The following PIWIL1 variants were observed in gnomAD, a reference collection of about 807,000 sequenced individuals.
The protein encoded by PIWIL1 is piwi-like protein 1.
Under a neutral mutation model 114.4 loss-of-function variants are expected in PIWIL1, and 73 were observed. The ratio of observed to expected loss-of-function variants is 0.64; its 90% CI spans 0.53 to 0.78. The LOEUF (loss-of-function observed/expected upper bound fraction) is 0.78, where lower values mean the gene tolerates loss of function less well. PIWIL1 is among the 30% of genes least tolerant of loss of function. The probability of loss-of-function intolerance (pLI) is 0.00; values close to 1 mark genes in which losing one functional copy is unlikely to be tolerated. For missense variants in PIWIL1, 723 were observed against 1,063.1 expected, an observed-to-expected ratio of 0.68 and a Z score of 4.45; for synonymous variants, 375 against 369.0, an observed-to-expected ratio of 1.02 and a Z score of -0.19.
chr12:130,355,809 C>A, intron 12 of PIWIL1, 142 bp downstream of exon 12: 1 of 657,340 alleles, frequency 1.5e-6, no homozygotes, highest in Non-Finnish European at 2.7e-6. Context: ...TCAAGTGAGG[C>A]TTGGGTCAGA....
chr12:130,382,828 C>T, the PIWIL1 span, among the ~76,000 whole-genome samples: 1 of 152,152 alleles, frequency 6.6e-6, no homozygotes, highest in African/African-American at 2.4e-5. Flanking sequence ...TACATAGTTT[C>T]AGTCAAATAA....
the PIWIL1 span, chr12:130,399,549 C>T: frequency 3.9e-6 from 4 of 1,038,564 alleles, no homozygotes; most frequent in Admixed American, 2.5e-5. Context: ...GGCTTCAGGG[C>T]AGAGAAAAAA....
intron 14 of PIWIL1, among the ~76,000 whole-genome samples, chr12:130,360,950 GT>G (rs1379159206): frequency 1.3e-5 from 2 of 152,158 alleles, no homozygotes; most frequent in Non-Finnish European, 2.9e-5. Flanking sequence ...TTGACTCATA[GT>G]TTGCTTAACA....
chr12:130,424,513 C>G, the PIWIL1 span: 4 of 1,232,010 alleles, frequency 3.2e-6, no homozygotes, highest in African/African-American at 1.5e-5. This position sits in a 1 kb window ranked among gnomAD's most constrained non-coding sequence, Gnocchi z 9.8. Flanking sequence ...CAGTCCAGGC[C>G]GCTGTCCGGG....
At chr12:130,404,385 C>G in the PIWIL1 span, among the ~76,000 whole-genome samples, 10 of 152,312 alleles carry the variant, frequency 6.6e-5, no homozygotes, top group South Asian at 8.3e-4. Flanking sequence ...GCAACCTCCA[C>G]CTCCTGGGTT....
At chr12:130,410,588 A>G in the PIWIL1 span, among the ~76,000 whole-genome samples, 1 of 152,322 alleles carries the variant, frequency 6.6e-6, no homozygotes. Context: ...GATGTGCAGT[A>G]ATGTCAGCAC....
the PIWIL1 span, chr12:130,424,611 T>C: frequency 8.1e-7 from 1 of 1,231,742 alleles, no homozygotes; most frequent in Non-Finnish European, 1.0e-6. The surrounding 1 kb of genome is among the most constrained non-coding windows in gnomAD (Gnocchi z 9.8). Context: ...GCCCCTGTGC[T>C]TCACCGGGAA....
chr12:130,361,425 T>G, intron 15 of PIWIL1, 45 bp downstream of exon 15: 1 of 1,611,198 alleles, frequency 6.2e-7, no homozygotes, highest in Non-Finnish European at 8.5e-7. Context: ...AATTGGTATT[T>G]AAGAACATGG....
chr12:130,402,593 C>T, the PIWIL1 span, among the ~76,000 whole-genome samples: 4 of 152,190 alleles, frequency 2.6e-5, no homozygotes, highest in Non-Finnish European at 5.9e-5. Flanking sequence ...TCCTCAGTCC[C>T]TCCATAATTT....
chr12:130,424,077 C>T, the PIWIL1 span: 2 of 885,672 alleles, frequency 2.3e-6, no homozygotes, highest in East Asian at 3.3e-5. The surrounding 1 kb of genome is among the most constrained non-coding windows in gnomAD (Gnocchi z 9.8). Flanking sequence ...AAACAGAAAA[C>T]CAGTGAAAGG....
the PIWIL1 span, among the ~76,000 whole-genome samples, chr12:130,390,992 G>T: frequency 6.6e-6 from 1 of 152,112 alleles, no homozygotes; most frequent in South Asian, 2.1e-4. Flanking sequence ...GGCACATATG[G>T]AAAATCAGAG....
chr12:130,409,476 G>A, the PIWIL1 span, among the ~76,000 whole-genome samples: 3 of 151,456 alleles, frequency 2.0e-5, no homozygotes, highest in Non-Finnish European at 2.9e-5. Flanking sequence ...CTGAGTAGCT[G>A]GGACTGCAGG....
the PIWIL1 span, chr12:130,424,355 C>G: frequency 1.6e-6 from 2 of 1,232,448 alleles, no homozygotes; most frequent in South Asian, 4.1e-5. The surrounding 1 kb of genome is among the most constrained non-coding windows in gnomAD (Gnocchi z 9.8). Context: ...CCCCAAAGTC[C>G]TCCTCCACGC....
At chr12:130,364,540 T>C (rs1025015253) in intron 18 of PIWIL1, among the ~76,000 whole-genome samples, 1 of 152,232 alleles carries the variant, frequency 6.6e-6, no homozygotes, top group African/African-American at 2.4e-5. Context: ...TTTGAAATAG[T>C]TGTGTTTCAG....
At chr12:130,413,052 G>C in the PIWIL1 span, among the ~76,000 whole-genome samples, 2 of 151,962 alleles carry the variant, frequency 1.3e-5, no homozygotes, top group Non-Finnish European at 2.9e-5. Flanking sequence ...TGTTTGCTTG[G>C]ATGAATGCAT....
chr12:130,349,818 T>G (rs775801975), intron 8 of PIWIL1, 38 bp from the exon 9 acceptor site: 14 of 1,163,632 alleles, frequency 1.2e-5, no homozygotes, highest in Admixed American at 4.1e-5. Context: ...GTTCTTCACA[T>G]TTCCATCAAA....
At chr12:130,343,127 T>C in intron 3 of PIWIL1, 26 bp downstream of exon 3, 1 of 1,528,202 alleles carries the variant, frequency 6.5e-7, no homozygotes, top group Non-Finnish European at 9.0e-7. Flanking sequence ...AAGGAAGTCT[T>C]AACAACTCTG....
rs1483732870 is a variant in PIWIL1, at chr12:130,347,068, T to C, written c.653+6T>C. The C allele has an allele frequency of 6.3e-7, 1 of 1,593,470 alleles. No individual in the cohort carries two copies. Among genetic ancestry groups the C allele is most frequent in the Non-Finnish European group, 8.6e-7 (1 of 1,167,950 alleles). On this transcript the variant is annotated splice_donor_region_variant and intron_variant, in intron 6 of 20. Transcript: ENST00000245255. ...TATAATATTATTTTCAGGAGGTATG[T>C]GTTTTATTTCAACATTTTATTAAGA...
At chr12:130,391,717 G>A in the PIWIL1 span, among the ~76,000 whole-genome samples, 1 of 152,188 alleles carries the variant, frequency 6.6e-6, no homozygotes, top group African/African-American at 2.4e-5. Context: ...GGCCAAGCCA[G>A]CAGAGAGGGT....
Sources: gnomAD v4.1 joint callset for allele counts (sites outside exome capture counted in the v4.1 genomes callset) on GRCh38, gnomAD v4.1.1 for gene constraint, Gnocchi (gnomAD v3.1) non-coding constraint, MANE v1.5 for transcripts, NCBI Gene and HGNC (gene_info 2026-07-23, HGNC 2026-07-21) for gene names.